Variants in CDH4 observed in about 807,000 individuals in gnomAD.
CDH4 encodes the protein cadherin-4.
Under a neutral mutation model 86.0 loss-of-function variants are expected in CDH4, and 33 were observed. That is an observed-to-expected ratio of 0.38 (90% CI 0.29 to 0.51). The LOEUF (loss-of-function observed/expected upper bound fraction) is 0.51, where lower values mean the gene tolerates loss of function less well. Among genes scored for constraint, CDH4 ranks in the 20% least tolerant of loss-of-function variants. The probability of loss-of-function intolerance (pLI) is 0.86; values close to 1 mark genes in which losing one functional copy is unlikely to be tolerated. For synonymous variants in CDH4, 555 were observed against 549.4 expected (o/e 1.01, Z -0.14); for missense variants, 1,114 against 1,307.4 (o/e 0.85, Z 2.28).
At chr20:61,925,627 A>G (rs899841777) in intron 11 of CDH4, among the ~76,000 whole-genome samples, 2 of 152,224 alleles carry the variant, frequency 1.3e-5, no homozygotes, top group Non-Finnish European at 2.9e-5. Context: ...CTTGGCTGAC[A>G]GCCCGAGTGT....
chr20:61,926,888 G>A (rs992051592), intron 11 of CDH4, among the ~76,000 whole-genome samples: 5 of 151,630 alleles, frequency 3.3e-5, no homozygotes, highest in African/African-American at 1.2e-4. Context: ...AGAAAAAAAA[G>A]AAAGAAAGTG....
rs569424894 is a variant in CDH4 at position 61,931,306 on chromosome 20, G to A, written c.2239+1464G>A. On this transcript the variant is annotated intron_variant, in intron 13 of 15. Coordinates refer to ENST00000614565, the MANE Select transcript of CDH4 (RefSeq NM_001794.5). ...CCTGCAGTGCGTGGCTCCTCCCTCC[G>A]CCTGCACTTCCCTCTCCACGATCTG... 1.1e-4 allele frequency among the ~76,000 whole-genome samples: 16 copies of A among 152,290 alleles called. No homozygotes were observed. The South Asian group carries it at 1.2e-3, about 12-fold the overall frequency.
At chr20:61,382,133 T>G (rs8121037) in intron 2 of CDH4, among the ~76,000 whole-genome samples, 1 of 151,996 alleles carries the variant, frequency 6.6e-6, no homozygotes, top group African/African-American at 2.4e-5. Context: ...GCAGAAATGT[T>G]TAATGGAAAG....
intron 4 of CDH4, among the ~76,000 whole-genome samples, chr20:61,778,668 G>A (rs1225697874): frequency 3.3e-5 from 5 of 152,242 alleles, no homozygotes; most frequent in East Asian, 1.9e-4. Context: ...CCCACACCGC[G>A]GAGGGAACAC....
intron 4 of CDH4, among the ~76,000 whole-genome samples, chr20:61,781,167 G>A (rs1284914225): frequency 1.3e-5 from 2 of 152,058 alleles, no homozygotes; most frequent in African/African-American, 2.4e-5. Context: ...AACACCCTCA[G>A]GGAAAGATAA....
intron 6 of CDH4, among the ~76,000 whole-genome samples, chr20:61,857,230 C>T (rs867723019): frequency 6.6e-6 from 1 of 152,214 alleles, no homozygotes; most frequent in Non-Finnish European, 1.5e-5. Flanking sequence ...TGGTGGGCGG[C>T]GCGTGTGCGT....
chr20:61,456,635 A>G (rs2085408397), intron 2 of CDH4, among the ~76,000 whole-genome samples: 1 of 152,210 alleles, frequency 6.6e-6, no homozygotes. Flanking sequence ...AAGCCATTAT[A>G]ATGTGCATAA....
intron 2 of CDH4, among the ~76,000 whole-genome samples, chr20:61,601,700 C>T (rs1359256282): frequency 6.6e-6 from 1 of 152,198 alleles, no homozygotes; most frequent in Admixed American, 6.5e-5. Context: ...TTGAGTTGCA[C>T]CTGGCGGGGC....
intron 2 of CDH4, 64 bp from the exon 3 acceptor site, chr20:61,743,499 C>G (rs1600938014): frequency 7.7e-7 from 1 of 1,300,280 alleles, no homozygotes; most frequent in East Asian, 2.5e-5. Flanking sequence ...TGCGTGGTTG[C>G]TGCCATTGTT....
intron 2 of CDH4, among the ~76,000 whole-genome samples, chr20:61,629,020 G>T (rs558570747): frequency 6.6e-6 from 1 of 152,236 alleles, no homozygotes; most frequent in Non-Finnish European, 1.5e-5. Flanking sequence ...AAGGCATCTC[G>T]CAAGCTTCCC....
In CDH4 at chr20:61,714,023, T is replaced by TTATG. The variant is rs1555828915; in HGVS notation, c.170-29539_170-29538insATGT. Among the ~76,000 whole-genome samples, 48 of 123,906 alleles carry TTATG rather than the reference T, an allele frequency of 3.9e-4. 4 individuals carry two copies. The highest frequency in any genetic ancestry group is 1.2e-3 in the African/African-American group (30 of 24,894). The allele number at this position is 123,906 out of a possible 152,430, so 81.3% of individuals were successfully genotyped here. A position where few individuals can be genotyped will look rare whatever the true frequency, so the allele number is the denominator to read the frequency against. On this transcript the variant is annotated intron_variant, in intron 2 of 15. Transcript: ENST00000614565. ...GTCTTAGTCCATTGTCTATTCTTTT[T>TTATG]TTATTTTATTTTATTTTATTTTATT...
intron 2 of CDH4, among the ~76,000 whole-genome samples, chr20:61,697,669 A>G (rs1405042115): frequency 2.0e-5 from 3 of 152,128 alleles, no homozygotes; most frequent in African/African-American, 7.2e-5. Context: ...TCCAGAACCC[A>G]GCAGGGTTCC....
intron 2 of CDH4, among the ~76,000 whole-genome samples, chr20:61,498,948 C>T (rs1040627294): frequency 6.6e-6 from 1 of 152,140 alleles, no homozygotes; most frequent in Admixed American, 6.5e-5. Flanking sequence ...CTTCTCTCCT[C>T]GGAATGAGTC....
intron 5 of CDH4, among the ~76,000 whole-genome samples, chr20:61,850,012 C>T (rs1982641073): frequency 6.6e-6 from 1 of 152,216 alleles, no homozygotes; most frequent in Non-Finnish European, 1.5e-5. Context: ...GAGGACGCAT[C>T]CCCAGCCTGA....
At chr20:61,699,758 T>C (rs1285511802) in intron 2 of CDH4, among the ~76,000 whole-genome samples, 3 of 87,046 alleles carry the variant, frequency 3.4e-5, no homozygotes, top group Non-Finnish European at 7.2e-5. Context: ...TGCTGGGGGC[T>C]TTCACCGCGG....
At chr20:61,646,476 C>A (rs1419521519) in intron 2 of CDH4, among the ~76,000 whole-genome samples, 1 of 152,324 alleles carries the variant, frequency 6.6e-6, no homozygotes, top group African/African-American at 2.4e-5. Context: ...CTGGGCTCAC[C>A]CTGGCTCTGC....
intron 2 of CDH4, among the ~76,000 whole-genome samples, chr20:61,576,248 T>A (rs1167409150): frequency 2.0e-5 from 3 of 152,210 alleles, no homozygotes; most frequent in African/African-American, 7.2e-5. Context: ...GACAGCGACG[T>A]GTCAGATTCA....
At chr20:61,326,544 A>G (rs1315626064) in intron 2 of CDH4, among the ~76,000 whole-genome samples, 1 of 152,212 alleles carries the variant, frequency 6.6e-6, no homozygotes, top group Non-Finnish European at 1.5e-5. Context: ...ATTCAGTAAA[A>G]GAAAATCAAA....
At chr20:61,584,562 C>G (rs952148904) in intron 2 of CDH4, among the ~76,000 whole-genome samples, 1 of 152,180 alleles carries the variant, frequency 6.6e-6, no homozygotes, top group African/African-American at 2.4e-5. Flanking sequence ...CAGTGGACAG[C>G]AGGGTACCTG....
Sources: allele counts gnomAD v4.1 joint callset (sites outside exome capture counted in the v4.1 genomes callset), GRCh38; gene constraint gnomAD v4.1.1; transcripts MANE v1.5; gene names NCBI Gene and HGNC (gene_info 2026-07-23, HGNC 2026-07-21).